SLC11A2: variants seen among roughly 807,000 people sequenced by gnomAD.
The protein encoded by SLC11A2 is natural resistance-associated macrophage protein 2.
SLC11A2 carries 38 observed loss-of-function variants against 68.0 expected under a neutral mutation model. That is an observed-to-expected ratio of 0.56 (90% CI 0.43 to 0.73). SLC11A2 has a LOEUF of 0.73. Ranked by LOEUF, SLC11A2 falls within the 30% of genes least tolerant of loss-of-function variation. The pLI, the probability that SLC11A2 is intolerant of heterozygous loss-of-function variation, is 0.00. For missense variants in SLC11A2, 517 were observed against 690.5 expected (o/e 0.75, Z 2.82); for synonymous variants, 242 against 250.6 (o/e 0.97, Z 0.32).
At chr12:50,971,068 T>TG in the SLC11A2 span, among the ~76,000 whole-genome samples, 1 of 152,028 alleles carries the variant, frequency 6.6e-6, no homozygotes, top group African/African-American at 2.4e-5. Flanking sequence ...TTAGTAGAGA[T>TG]GGGGTTTCAT....
chr12:50,957,962 G>GTGTGTC, the SLC11A2 span, among the ~76,000 whole-genome samples: 1 of 150,538 alleles, frequency 6.6e-6, no homozygotes, highest in African/African-American at 2.4e-5. Flanking sequence ...GTGTGTGTGT[G>GTGTGTC]TGTGTGTGTG....
upstream of SLC11A2, among the ~76,000 whole-genome samples, chr12:51,027,928 G>T (rs1050025318): frequency 1.3e-5 from 2 of 148,240 alleles, no homozygotes; most frequent in African/African-American, 2.5e-5. Context: ...GGGGGGGGGG[G>T]GCTTGGCTTC....
chr12:50,954,546 T>C, the SLC11A2 span, among the ~76,000 whole-genome samples: 1 of 152,182 alleles, frequency 6.6e-6, no homozygotes, highest in Admixed American at 6.5e-5. Flanking sequence ...GTTTCTATCT[T>C]ACTATTGGGC....
chr12:51,000,019 T>A (rs2136240605), intron 6 of SLC11A2, among the ~76,000 whole-genome samples: 1 of 151,562 alleles, frequency 6.6e-6, no homozygotes, highest in Middle Eastern at 3.4e-3. Flanking sequence ...AAAAAATAAA[T>A]AAATAAAATA....
At chr12:51,018,718 T>C (rs1454864094) in intron 1 of SLC11A2, among the ~76,000 whole-genome samples, 1 of 149,986 alleles carries the variant, frequency 6.7e-6, no homozygotes, top group African/African-American at 2.5e-5. Context: ...CAGTGAGCCG[T>C]GATCAGGGCA....
At chr12:50,998,977 C>A (rs2136234788) in intron 8 of SLC11A2, among the ~76,000 whole-genome samples, 197 bp downstream of exon 8, 1 of 152,194 alleles carries the variant, frequency 6.6e-6, no homozygotes, top group African/African-American at 2.4e-5. Context: ...GGAGCCCCTG[C>A]AGGCCTTTCT....
chr12:51,005,272 T>C (rs1415120783), intron 4 of SLC11A2, 39 bp downstream of exon 4: 1 of 1,609,432 alleles, frequency 6.2e-7, no homozygotes, highest in African/African-American at 1.3e-5. Context: ...GAGAGTGTAT[T>C]ATGTGCTTAA....
downstream of SLC11A2, among the ~76,000 whole-genome samples, chr12:50,985,086 A>G (rs964706261): frequency 3.3e-5 from 5 of 152,216 alleles, no homozygotes; most frequent in African/African-American, 1.2e-4. Context: ...ATTAAATGAG[A>G]TAATACAACT....
intron 1 of SLC11A2, among the ~76,000 whole-genome samples, chr12:51,015,839 C>A (rs1555224029): frequency 6.6e-6 from 1 of 151,874 alleles, no homozygotes. Context: ...CAGCAATTGA[C>A]AGAAAAAAAA....
chr12:50,955,131 A>C, the SLC11A2 span, among the ~76,000 whole-genome samples: 1 of 152,174 alleles, frequency 6.6e-6, no homozygotes. Flanking sequence ...ATCTCTACTA[A>C]AAATACAAAA....
chr12:50,992,123 G>A, intron 13 of SLC11A2, 67 bp downstream of exon 13: 8 of 1,511,146 alleles, frequency 5.3e-6, no homozygotes, highest in African/African-American at 1.4e-5. Flanking sequence ...AGCTAGGCTT[G>A]GTACCCAAGG....
At chr12:50,960,966 A>C in the SLC11A2 span, 3 of 1,567,542 alleles carry the variant, frequency 1.9e-6, no homozygotes, top group Non-Finnish European at 2.6e-6. Flanking sequence ...TAAAATTCAC[A>C]GGTATAGCAG....
At chr12:51,002,571 T>A (rs1942344634) in intron 5 of SLC11A2, among the ~76,000 whole-genome samples, 1 of 127,158 alleles carries the variant, frequency 7.9e-6, no homozygotes, top group South Asian at 2.5e-4. Context: ...CCTGGGAGGT[T>A]GAGGTTATAG....
At chr12:50,971,913 C>T in the SLC11A2 span, among the ~76,000 whole-genome samples, 1 of 152,190 alleles carries the variant, frequency 6.6e-6, no homozygotes, top group African/African-American at 2.4e-5. Flanking sequence ...ATACATTTTT[C>T]CCCATTGGGA....
At chr12:50,983,176 C>A (rs929007313), downstream of SLC11A2, among the ~76,000 whole-genome samples, 18 of 152,154 alleles carry the variant, frequency 1.2e-4, no homozygotes, top group African/African-American at 4.3e-4. Context: ...GCGTGTGCCA[C>A]CACACTCAGC....
rs11834061 is a variant in SLC11A2, at chr12:50,990,966, A to T, written c.1422-18T>A. The T allele has an allele frequency of 1.4e-3, 2,190 of 1,612,888 alleles. 26 individuals carry two copies. The African/African-American group carries it at 0.024, about 17-fold the overall frequency. On this transcript the variant is annotated intron_variant, in intron 14 of 15. Coordinates refer to ENST00000262052, the MANE Select transcript of SLC11A2 (RefSeq NM_000617.3). The stretch of plus-strand genomic sequence containing the variant: ...GCCAGCCTCTGTAAAAGAAATCAGC[A>T]CAGTCACTGATGGAATAATCCAACT...
the SLC11A2 span, among the ~76,000 whole-genome samples, chr12:50,956,990 A>ATTT: frequency 3.5e-4 from 51 of 143,928 alleles, no homozygotes; most frequent in African/African-American, 1.2e-3. Flanking sequence ...TCATTTTGTT[A>ATTT]TTTTTTTTTT....
chr12:50,961,111 C>T, the SLC11A2 span: 1 of 1,613,258 alleles, frequency 6.2e-7, no homozygotes, highest in Non-Finnish European at 8.5e-7. Context: ...AGGTAACCCG[C>T]TTAATTTGTA....
chr12:50,995,550 G>A (rs747058523), intron 10 of SLC11A2, 79 bp downstream of exon 10: 13 of 1,337,794 alleles, frequency 9.7e-6, no homozygotes, highest in African/African-American at 1.4e-5. Context: ...ACTAGGATGA[G>A]GTATTTTCCT....
Sources: allele counts gnomAD v4.1 joint callset (sites outside exome capture counted in the v4.1 genomes callset), GRCh38; gene constraint gnomAD v4.1.1; transcripts MANE v1.5; gene names NCBI Gene and HGNC (gene_info 2026-07-23, HGNC 2026-07-21).